Variants in ANTXR1 observed in about 807,000 individuals in gnomAD.
ANTXR1 encodes the protein ANTXR cell adhesion molecule 1.
A neutral mutation model predicts 78.1 loss-of-function variants in ANTXR1; 19 were observed. That is an observed-to-expected ratio of 0.24 (90% CI 0.17 to 0.36). The LOEUF (loss-of-function observed/expected upper bound fraction) is 0.36, where lower values mean the gene tolerates loss of function less well. Among genes scored for constraint, ANTXR1 ranks in the 10% least tolerant of loss-of-function variants. ANTXR1 has a pLI of 1.00. For missense variants in ANTXR1, 518 were observed against 718.6 expected (o/e 0.72, Z 3.19); for synonymous variants, 273 against 260.5 (o/e 1.05, Z -0.46).
chr2:69,019,223 T>A (rs1378020038), intron 1 of ANTXR1, among the ~76,000 whole-genome samples: 1 of 152,228 alleles, frequency 6.6e-6, no homozygotes, highest in Non-Finnish European at 1.5e-5. Flanking sequence ...GAAGGCACCT[T>A]GAAGGTGCTA....
intron 2 of ANTXR1, among the ~76,000 whole-genome samples, chr2:69,040,810 A>C (rs919714434): frequency 1.3e-5 from 2 of 152,180 alleles, no homozygotes; most frequent in African/African-American, 4.8e-5. Flanking sequence ...AAGTTGTCAA[A>C]GTCTTTGGTA....
Position 69,013,700 on chromosome 2 carries a change from C to T in ANTXR1, c.152+49C>T. 6.4e-7 allele frequency: 1 copy of T among 1,551,214 alleles called. No individual in the cohort carries two copies. The highest frequency in any genetic ancestry group is 8.7e-7 in the Non-Finnish European group (1 of 1,146,756). ...CCACCCCAGGCTAAGCGGGCGAAAA[C>T]GCTTTCGCCCCGGGCCGGGCTCGTT... is the stretch of plus-strand genomic sequence containing the variant. On this transcript the variant is annotated intron_variant, in intron 1 of 17. Coordinates refer to ENST00000303714, the MANE Select transcript of ANTXR1 (RefSeq NM_032208.3). This position sits in a 1 kb window ranked among gnomAD's most constrained non-coding sequence, Gnocchi z 5.0.
chr2:69,219,658 T>C (rs1181565187), intron 17 of ANTXR1, among the ~76,000 whole-genome samples: 2 of 152,206 alleles, frequency 1.3e-5, no homozygotes, highest in African/African-American at 4.8e-5. Context: ...GCAGTACTTA[T>C]TAAGTGTTAT....
At chr2:69,231,376 G>T (rs1462060642) in intron 17 of ANTXR1, among the ~76,000 whole-genome samples, 1 of 152,120 alleles carries the variant, frequency 6.6e-6, no homozygotes, top group East Asian at 1.9e-4. Flanking sequence ...AATGACTAAA[G>T]CACAGATCGG....
At chr2:69,054,848 C>G (rs1267798721) in intron 3 of ANTXR1, among the ~76,000 whole-genome samples, 1 of 152,110 alleles carries the variant, frequency 6.6e-6, no homozygotes, top group Non-Finnish European at 1.5e-5. Flanking sequence ...TTTTGAGGTA[C>G]TGTTCTTTTA....
intron 3 of ANTXR1, among the ~76,000 whole-genome samples, chr2:69,065,424 C>CAAAAAAAAAAAA (rs34601328): frequency 1.5e-5 from 1 of 66,754 alleles, no homozygotes; most frequent in Admixed American, 1.4e-4. Context: ...GACTCCGTCT[C>CAAAAAAAAAAAA]AAAAAAAAAA....
intron 16 of ANTXR1, among the ~76,000 whole-genome samples, chr2:69,184,939 G>A (rs533207301): frequency 1.2e-4 from 18 of 152,218 alleles, no homozygotes; most frequent in Non-Finnish European, 2.2e-4. Context: ...CTCAGCATTC[G>A]CCCATCTTTT....
intron 14 of ANTXR1, among the ~76,000 whole-genome samples, chr2:69,177,117 C>T (rs1253624957): frequency 1.3e-5 from 2 of 152,116 alleles, no homozygotes; most frequent in African/African-American, 4.8e-5. Context: ...AACAGTTAAA[C>T]GTGTTGAGTG....
intron 16 of ANTXR1, among the ~76,000 whole-genome samples, chr2:69,185,053 A>G (rs1041341433): frequency 6.6e-6 from 1 of 152,164 alleles, no homozygotes; most frequent in Admixed American, 6.5e-5. Flanking sequence ...TCACTTCATC[A>G]GTCCTGACTC....
chr2:69,046,621 G>C (rs1162032176), intron 3 of ANTXR1, among the ~76,000 whole-genome samples: 1 of 152,162 alleles, frequency 6.6e-6, no homozygotes, highest in Non-Finnish European at 1.5e-5. Context: ...AGCACAGCAT[G>C]GTTTATGGAC....
chr2:69,182,404 C>G, intron 15 of ANTXR1, 89 bp from the exon 16 acceptor site: 1 of 1,479,890 alleles, frequency 6.8e-7, no homozygotes, highest in Non-Finnish European at 9.3e-7. Context: ...GTAGCATTCA[C>G]ATTGCAACTC....
intron 1 of ANTXR1, among the ~76,000 whole-genome samples, chr2:69,018,543 G>A (rs1321162670): frequency 2.6e-5 from 4 of 152,192 alleles, no homozygotes; most frequent in African/African-American, 7.2e-5. Flanking sequence ...ATACTGGATT[G>A]GGAACTTGTG....
At chr2:69,244,115 A>G (rs911975037) in intron 17 of ANTXR1, among the ~76,000 whole-genome samples, 5 of 152,240 alleles carry the variant, frequency 3.3e-5, no homozygotes, top group African/African-American at 4.8e-5. Flanking sequence ...ACTAGTGGGT[A>G]TCTACTGGGG....
intron 17 of ANTXR1, among the ~76,000 whole-genome samples, chr2:69,224,245 G>A (rs914931166): frequency 2.6e-5 from 4 of 152,194 alleles, no homozygotes. Flanking sequence ...GATTGTGTAT[G>A]ATCATTATTT....
chr2:69,080,892 A>T (rs7569188), intron 8 of ANTXR1, among the ~76,000 whole-genome samples: 108,063 of 152,066 alleles, frequency 0.71, 38,986 homozygotes, highest in African/African-American at 0.82. Flanking sequence ...AAGTGAAGAA[A>T]GGCAGAAGAT....
rs955743925 is a variant in ANTXR1, at chr2:69,098,030, A to G, written c.704-4812A>G. On this transcript the variant is annotated intron_variant, in intron 9 of 17. Transcript: ENST00000303714. The stretch of plus-strand genomic sequence containing the variant: ...TGATCCTATTTACATAAAATTCCAG[A>G]AAATGCAAACTAATATACAGTTCCA... Among the ~76,000 whole-genome samples the G allele has an allele frequency of 4.6e-5, 7 of 152,362 alleles. No homozygotes were observed. The South Asian group carries it at 6.2e-4, about 14-fold the overall frequency.
chr2:69,143,584 A>G (rs191119266), intron 12 of ANTXR1, among the ~76,000 whole-genome samples: 1 of 152,278 alleles, frequency 6.6e-6, no homozygotes, highest in Admixed American at 6.5e-5. Context: ...TCTAGATGAG[A>G]GTTTAAACTA....
chr2:69,154,738 G>A (rs751244588), intron 13 of ANTXR1, among the ~76,000 whole-genome samples: 4 of 152,182 alleles, frequency 2.6e-5, no homozygotes, highest in Non-Finnish European at 4.4e-5. Context: ...CCTAAAAAAC[G>A]TGGGGTACGT....
intron 10 of ANTXR1, among the ~76,000 whole-genome samples, chr2:69,112,446 A>G (rs529590780): frequency 3.9e-4 from 60 of 152,282 alleles, no homozygotes; most frequent in Non-Finnish European, 6.8e-4. Flanking sequence ...CTGACTCCAA[A>G]TGCCCAGGTG....
Sources: allele counts gnomAD v4.1 joint callset (sites outside exome capture counted in the v4.1 genomes callset), GRCh38; gene constraint gnomAD v4.1.1; non-coding constraint Gnocchi (gnomAD v3.1); transcripts MANE v1.5; gene names NCBI Gene and HGNC (gene_info 2026-07-23, HGNC 2026-07-21).